The following ZNF609 variants were observed in gnomAD, a reference collection of about 807,000 sequenced individuals.
The protein encoded by ZNF609 is zinc finger protein 609.
In ZNF609, 11 loss-of-function variants were observed where a neutral mutation model predicts 109.5. The ratio of observed to expected loss-of-function variants is 0.10; its 90% confidence interval spans 0.06 to 0.17. The LOEUF (loss-of-function observed/expected upper bound fraction) is 0.17. Ranked by LOEUF, ZNF609 falls within the 10% of genes least tolerant of loss-of-function variation. The pLI is 1.00. For missense variants in ZNF609, 1,559 were observed against 1,772.4 expected (o/e 0.88, Z 2.16); for synonymous variants, 646 against 662.0 (o/e 0.98, Z 0.37).
intron 2 of ZNF609, among the ~76,000 whole-genome samples, chr15:64,553,864 C>T (rs937638398): frequency 2.6e-5 from 4 of 152,154 alleles, no homozygotes; most frequent in African/African-American, 9.7e-5. Flanking sequence ...TCCCAAAGTG[C>T]TGAGATTACA....
At chr15:64,677,137 C>T (rs966059954) in intron 5 of ZNF609, among the ~76,000 whole-genome samples, 6 of 151,952 alleles carry the variant, frequency 3.9e-5, no homozygotes, top group Non-Finnish European at 5.9e-5. Context: ...AGTCATAGCT[C>T]ACTGCAATTT....
rs1231740706 is a variant in ZNF609 at position 64,499,871 on chromosome 15, G to A, written c.452G>A (p.Arg151His). 8 of 1,614,008 alleles carry A rather than the reference G, an allele frequency of 5.0e-6. No individual in the cohort carries two copies. The highest frequency in any genetic ancestry group is 5.9e-6 in the Non-Finnish European group (7 of 1,179,996). ...TCAGAGAAGGCGGCTAAGGCATCCC[G>A]CAGTGTAGCCGGTTCCAAAAAGGAG... is the stretch of plus-strand genomic sequence containing the variant. Reference protein sequence around the residue: ...KGSEKAAKASRSVAGSKKEKE... With the variant: ...KGSEKAAKASHSVAGSKKEKE... Residue 151 changes from arginine to histidine, a missense_variant, in exon 2 of 10, where the codon CGC becomes CAC. Around this residue, in one of 4 missense-constraint regions of ZNF609, gnomAD observed 291 missense variants for 317.8 expected, o/e 0.92. Transcript: ENST00000326648.
chr15:64,672,579 C>T (rs1471739476), intron 4 of ZNF609, among the ~76,000 whole-genome samples: 3 of 143,672 alleles, frequency 2.1e-5, no homozygotes, highest in African/African-American at 2.6e-5. Flanking sequence ...GAGCTGAGAT[C>T]GCTCCACTGC....
In ZNF609 at chr15:64,674,577, C is replaced by T. The variant is rs1294481706; in HGVS notation, c.1723C>T (p.His575Tyr). 4 of 1,614,110 alleles carry T rather than the reference C, an allele frequency of 2.5e-6. No individual in the cohort carries two copies. The highest frequency in any genetic ancestry group is 3.4e-6 in the Non-Finnish European group (4 of 1,180,018). Residue 575 changes from histidine to tyrosine, a missense_variant, in exon 5 of 10, where the codon CAT becomes TAT. Physicochemically the swap from His to Tyr is moderately conservative, Grantham distance 83. Transcript: ENST00000326648. Reference protein sequence around the residue: ...ATPKVRLVEPHSPSPSSKFST... With the variant: ...ATPKVRLVEPYSPSPSSKFST... ...CCCCAAAGTTCGACTTGTAGAGCCCCATAGCCCTTCTCCTTCAAGCAAATT... is the reference window on the plus strand; with the variant it reads ...CCCCAAAGTTCGACTTGTAGAGCCCTATAGCCCTTCTCCTTCAAGCAAATT...
chr15:64,557,060 A>T (rs1894600710), intron 2 of ZNF609, among the ~76,000 whole-genome samples: 1 of 152,110 alleles, frequency 6.6e-6, no homozygotes, highest in African/African-American at 2.4e-5. Context: ...TAAGAATGAG[A>T]TTCTTGGTTT....
At chr15:64,507,986 C>T (rs1893661685) in intron 2 of ZNF609, among the ~76,000 whole-genome samples, 3 of 152,250 alleles carry the variant, frequency 2.0e-5, no homozygotes, top group Middle Eastern at 6.8e-3. Flanking sequence ...AAATCCTATT[C>T]CCTAAAGTCA....
intron 1 of ZNF609, among the ~76,000 whole-genome samples, chr15:64,487,777 C>T (rs1238387423): frequency 2.0e-5 from 3 of 152,156 alleles, no homozygotes; most frequent in South Asian, 2.1e-4. Context: ...GAACTACAAG[C>T]GAGCGCCACC....
intron 2 of ZNF609, among the ~76,000 whole-genome samples, chr15:64,588,571 C>T (rs1166225477): frequency 4.6e-5 from 7 of 151,516 alleles, no homozygotes; most frequent in African/African-American, 1.7e-4. Context: ...TCTCAAACTC[C>T]TGGGCTCAGG....
At chr15:64,473,426 T>G (rs1389842523) in intron 1 of ZNF609, among the ~76,000 whole-genome samples, 4 of 151,876 alleles carry the variant, frequency 2.6e-5, no homozygotes, top group African/African-American at 4.8e-5. Context: ...CTCGAACTGC[T>G]GACCTCGTGA....
chr15:64,524,012 GTTT>G (rs891569884), intron 2 of ZNF609, among the ~76,000 whole-genome samples: 1 of 138,376 alleles, frequency 7.2e-6, no homozygotes, highest in African/African-American at 2.7e-5. Flanking sequence ...GGTTATACGG[GTTT>G]TTTTTTTTTC....
chr15:64,577,071 T>C (rs187827344), intron 2 of ZNF609, among the ~76,000 whole-genome samples: 482 of 47,750 alleles, frequency 0.01, 18 homozygotes, highest in African/African-American at 0.02. Flanking sequence ...TATGTATATA[T>C]ACACAAATAT....
intron 2 of ZNF609, among the ~76,000 whole-genome samples, chr15:64,595,922 C>T (rs960317614): frequency 7.9e-5 from 12 of 152,156 alleles, no homozygotes; most frequent in African/African-American, 2.9e-4. Context: ...CATCATAGCT[C>T]TTATTTTTCT....
chr15:64,462,193 TGAGGAACAATGCA>T (rs1892951767), intron 1 of ZNF609, among the ~76,000 whole-genome samples: 1 of 152,102 alleles, frequency 6.6e-6, no homozygotes, highest in African/African-American at 2.4e-5. Flanking sequence ...TCTTTTTGAG[TGAGGAACAATGCA>T]GAGCTCATTG....
At chr15:64,524,079 TC>T (rs1027918089) in intron 2 of ZNF609, among the ~76,000 whole-genome samples, 2 of 151,974 alleles carry the variant, frequency 1.3e-5, no homozygotes, top group African/African-American at 2.4e-5. Flanking sequence ...TTTTTTTTTT[TC>T]AGTATACAAT....
chr15:64,599,934 C>T (rs588379), intron 2 of ZNF609, among the ~76,000 whole-genome samples: 113,006 of 152,136 alleles, frequency 0.74, 45,501 homozygotes, highest in East Asian at 0.96. Context: ...TGAGTCATCC[C>T]TATTCCCTCT....
chr15:64,635,670 C>T (rs1488638898), intron 3 of ZNF609, among the ~76,000 whole-genome samples: 1 of 152,182 alleles, frequency 6.6e-6, no homozygotes, highest in Admixed American at 6.5e-5. Flanking sequence ...TGGCCCTGCC[C>T]TATTTGATAA....
intron 3 of ZNF609, among the ~76,000 whole-genome samples, chr15:64,660,995 G>A (rs188819172): frequency 2.6e-5 from 4 of 152,162 alleles, no homozygotes; most frequent in African/African-American, 4.8e-5. Flanking sequence ...TTTCACTCCC[G>A]TCACCCAGGC....
In ZNF609 at chr15:64,656,486, T is replaced by C. The variant is rs1896489456; in HGVS notation, c.974-13860T>C. On this transcript the variant is annotated intron_variant, in intron 3 of 9. Transcript: ENST00000326648. ...TATCTCCTTCCTACTCTCTGACACA[T>C]GCCTCAGTTCTTCACTTGTGGTTTG... Among the ~76,000 whole-genome samples the C allele has an allele frequency of 2.0e-5, 3 of 152,230 alleles. No homozygotes were observed. The South Asian group carries it at 6.2e-4, about 32-fold the overall frequency.
At chr15:64,493,429 G>T (rs1893441191) in intron 1 of ZNF609, among the ~76,000 whole-genome samples, 1 of 152,302 alleles carries the variant, frequency 6.6e-6, no homozygotes, top group South Asian at 2.1e-4. Context: ...AAGCCTGTGG[G>T]CTGGGAGTCA....
Sources: allele counts gnomAD v4.1 joint callset (sites outside exome capture counted in the v4.1 genomes callset), GRCh38; gene constraint gnomAD v4.1.1; regional missense constraint gnomAD v4.1.1; transcripts MANE v1.5; gene names NCBI Gene and HGNC (gene_info 2026-07-23, HGNC 2026-07-21).